The following WAC variants were observed in gnomAD, a reference collection of about 807,000 sequenced individuals.
The protein encoded by WAC is WW domain containing adaptor with coiled-coil.
A neutral mutation model predicts 79.6 loss-of-function variants in WAC; 11 were observed. That is an observed-to-expected ratio of 0.14 (90% CI 0.09 to 0.23). The LOEUF (loss-of-function observed/expected upper bound fraction) is 0.23, where lower values mean the gene tolerates loss of function less well. WAC is among the 10% of genes least tolerant of loss of function. The pLI, the probability that WAC is intolerant of heterozygous loss-of-function variation, is 1.00. For missense variants in WAC, 728 were observed against 773.5 expected, an observed-to-expected ratio of 0.94 and a Z score of 0.70; for synonymous variants, 304 against 276.9, an observed-to-expected ratio of 1.10 and a Z score of -0.97.
chr10:28,581,082 A>C (rs1721309389), intron 3 of WAC, among the ~76,000 whole-genome samples: 1 of 152,046 alleles, frequency 6.6e-6, no homozygotes, highest in South Asian at 2.1e-4. Flanking sequence ...AGGGAAGCTC[A>C]CTAGAGATTT....
At chr10:28,555,006 A>G (rs1456490368) in intron 3 of WAC, among the ~76,000 whole-genome samples, 2 of 152,152 alleles carry the variant, frequency 1.3e-5, no homozygotes, top group Non-Finnish European at 2.9e-5. Context: ...TGATGATAGT[A>G]TTTTAGTGTC....
At chr10:28,565,652 A>G (rs987671359) in intron 3 of WAC, among the ~76,000 whole-genome samples, 3 of 152,140 alleles carry the variant, frequency 2.0e-5, no homozygotes, top group African/African-American at 4.8e-5. Flanking sequence ...TTCTCATTAC[A>G]TTTTTCTGTA....
intron 11 of WAC, 153 bp from the exon 12 acceptor site, chr10:28,616,020 T>A: frequency 3.4e-6 from 2 of 592,606 alleles, no homozygotes; most frequent in Non-Finnish European, 5.5e-6. Flanking sequence ...TACTTTGGAT[T>A]ATTAATTCTC....
At chr10:28,558,066 T>A (rs911290048) in intron 3 of WAC, among the ~76,000 whole-genome samples, 16 of 152,018 alleles carry the variant, frequency 1.1e-4, no homozygotes, top group Admixed American at 9.2e-4. Flanking sequence ...AGAGCGAGAT[T>A]CTGTCTCGGA....
intron 6 of WAC, chr10:28,591,045 A>G: frequency 4.1e-6 from 2 of 489,992 alleles, no homozygotes; most frequent in Non-Finnish European, 7.3e-6. Flanking sequence ...GTTTCCCACT[A>G]CACATTATGG....
chr10:28,613,908 T>C lies in WAC; in HGVS notation c.1438-659T>C, dbSNP rs549216089. ...AGAGTAACATCTCTTTGAAAAACTC[T>C]CATGTTGAACTTTATATGGGCCATA... is the stretch of plus-strand genomic sequence containing the variant. On this transcript the variant is annotated intron_variant, in intron 10 of 13. Transcript: ENST00000354911. Among the ~76,000 whole-genome samples, 18 of 152,334 alleles carry C rather than the reference T, an allele frequency of 1.2e-4. No individual in the cohort carries two copies. In the South Asian group the frequency reaches 3.5e-3, roughly 30 times the overall value.
rs371061096 is a variant in WAC, at chr10:28,569,904, AT to A, written c.275-13492del. Among the ~76,000 whole-genome samples the A allele has an allele frequency of 2.0e-4, 31 of 152,336 alleles. No individual in the cohort carries two copies. In the East Asian group the frequency reaches 5.8e-3, roughly 28 times the overall value. ...TGTACTTTCCCTTGAATAAACAACC[AT>A]TTCATAGTTCAACAGCACCAAAAGT... On this transcript the variant is annotated intron_variant, in intron 3 of 13. Coordinates refer to ENST00000354911, the MANE Select transcript of WAC (RefSeq NM_016628.5).
intron 3 of WAC, among the ~76,000 whole-genome samples, chr10:28,543,709 C>A (rs11007145): frequency 6.6e-6 from 1 of 152,198 alleles, no homozygotes; most frequent in Admixed American, 6.5e-5. Context: ...TGTTAGTACA[C>A]GCTCATTGTA....
chr10:28,611,612 G>C, intron 9 of WAC, 162 bp from the exon 10 acceptor site: 1 of 1,237,214 alleles, frequency 8.1e-7, no homozygotes, highest in South Asian at 1.6e-5. Flanking sequence ...GGCCCAGTGA[G>C]AAGGTCAGAT....
intron 3 of WAC, among the ~76,000 whole-genome samples, chr10:28,576,819 G>A (rs1370574177): frequency 2.0e-5 from 3 of 152,106 alleles, no homozygotes; most frequent in Non-Finnish European, 4.4e-5. Flanking sequence ...AAGTTTTTTA[G>A]TAGCCAACAT....
rs1055884576 is a variant in WAC at position 28,622,799 on chromosome 10, T to C, written c.*3193T>C. 6.6e-6 allele frequency: 1 copy of C among 152,132 alleles called. No homozygotes were observed. The highest frequency in any genetic ancestry group is 1.5e-5 in the Non-Finnish European group (1 of 68,034). The allele number at this position is 152,132 out of a possible 1,614,324, so 9.4% of individuals were successfully genotyped here. Reference sequence around the variant, plus strand: ...ATTATGTTCAAAAACCACCATATCTTTGAGGGACTGTTTGAAAGGGGAGAG... The same window carrying C: ...ATTATGTTCAAAAACCACCATATCTCTGAGGGACTGTTTGAAAGGGGAGAG... On this transcript the variant is annotated 3_prime_UTR_variant, in exon 14 of 14. Coordinates refer to ENST00000354911, the MANE Select transcript of WAC (RefSeq NM_016628.5).
At chr10:28,603,464 A>G (rs1412612727) in intron 7 of WAC, among the ~76,000 whole-genome samples, 4 of 152,200 alleles carry the variant, frequency 2.6e-5, no homozygotes, top group Non-Finnish European at 5.9e-5. Flanking sequence ...AATGAAAAAC[A>G]CTACATTCTC....
intron 3 of WAC, among the ~76,000 whole-genome samples, chr10:28,569,530 T>C (rs983991520): frequency 6.6e-6 from 1 of 152,260 alleles, no homozygotes; most frequent in Non-Finnish European, 1.5e-5. Context: ...TTCTATTGTT[T>C]GTCGGCATTT....
rs755891151 is a variant in WAC, at chr10:28,611,748, AAATT to A, written c.1289-21_1289-18del. ...TTTTGTTTTGTTTTGTTTTTCTTTA[AAATT>A]AATTGCTTCCCTCTTTTACAGCCCA... On this transcript the variant is annotated intron_variant, in intron 9 of 13. Coordinates refer to ENST00000354911, the MANE Select transcript of WAC (RefSeq NM_016628.5). 6.3e-6 allele frequency: 10 copies of A among 1,599,788 alleles called. No homozygotes were observed. In the African/African-American group the frequency reaches 1.2e-4, roughly 20 times the overall value.
intron 3 of WAC, among the ~76,000 whole-genome samples, chr10:28,549,694 T>C (rs1351627921): frequency 1.3e-5 from 2 of 152,206 alleles, no homozygotes; most frequent in East Asian, 3.9e-4. Context: ...TATGTTGTAT[T>C]GATGACAGTT....
At chr10:28,558,607 T>G (rs1380128318) in intron 3 of WAC, among the ~76,000 whole-genome samples, 1 of 152,242 alleles carries the variant, frequency 6.6e-6, no homozygotes, top group African/African-American at 2.4e-5. Flanking sequence ...ACCTGTGTTA[T>G]GTTCCAAAAT....
At position 28,620,434 on chromosome 10, in the gene WAC, A is replaced by T. The variant is rs150035851; in HGVS notation, c.*828A>T. 6.5e-6 allele frequency: 1 copy of T among 152,768 alleles called. No homozygotes were observed. The highest frequency in any genetic ancestry group is 1.5e-5 in the Non-Finnish European group (1 of 68,036). The allele number at this position is 152,768 out of a possible 1,614,324, so 9.5% of individuals were successfully genotyped here. Reference sequence around the variant, plus strand: ...GTGCTCAAAGTACATTGATTGCTCAAATATAAGGAAATGGCCCAATGAACG... The same window carrying T: ...GTGCTCAAAGTACATTGATTGCTCATATATAAGGAAATGGCCCAATGAACG... On this transcript the variant is annotated 3_prime_UTR_variant, in exon 14 of 14. Coordinates refer to ENST00000354911, the MANE Select transcript of WAC (RefSeq NM_016628.5).
At chr10:28,611,177 T>C in intron 9 of WAC, 2 of 965,286 alleles carry the variant, frequency 2.1e-6, no homozygotes, top group South Asian at 2.9e-5. Flanking sequence ...ATTTGAAGAG[T>C]TGAAGTTTGG....
chr10:28,596,595 T>A (rs185680415), intron 7 of WAC, among the ~76,000 whole-genome samples: 271 of 152,284 alleles, frequency 1.8e-3, no homozygotes, highest in South Asian at 7.3e-3. Flanking sequence ...TCAATAATCA[T>A]AGCATGTTTA....
Sources: allele counts gnomAD v4.1 joint callset (sites outside exome capture counted in the v4.1 genomes callset), GRCh38; gene constraint gnomAD v4.1.1; transcripts MANE v1.5; gene names NCBI Gene and HGNC (gene_info 2026-07-23, HGNC 2026-07-21).